NCOA2: variants seen among roughly 807,000 people sequenced by gnomAD.
NCOA2 encodes class E basic helix-loop-helix protein 75.
NCOA2 carries 21 observed loss-of-function variants against 145.1 expected under a neutral mutation model. The observed-to-expected ratio is 0.14, with a 90% CI of 0.10 to 0.21. The LOEUF is 0.21. Among genes scored for constraint, NCOA2 ranks in the 10% least tolerant of loss-of-function variants. NCOA2 has a pLI of 1.00. For missense variants in NCOA2, 1,472 were observed against 1,837.6 expected (o/e 0.80, Z 3.64); for synonymous variants, 619 against 637.5 (o/e 0.97, Z 0.44).
At chr8:70,265,796 C>T (rs976790120) in intron 2 of NCOA2, among the ~76,000 whole-genome samples, 7 of 151,174 alleles carry the variant, frequency 4.6e-5, no homozygotes, top group African/African-American at 1.7e-4. Context: ...CAAGAGCAAA[C>T]CAGAAACTTC....
At position 70,110,954 on chromosome 8, in the gene NCOA2, C is replaced by CA. The variant is rs1806485671; in HGVS notation, c.*2677dup. ...TTCTATTAAACAAAAACCAAGTACT[C>CA]AGTCTAACAAATTTATTGTGTACAG... On this transcript the variant is annotated 3_prime_UTR_variant, in exon 23 of 23. Transcript: ENST00000452400. 1 of 222,210 alleles carries CA rather than the reference C, an allele frequency of 4.5e-6. No individual in the cohort carries two copies. Among genetic ancestry groups the CA allele is most frequent in the Admixed American group, 5.7e-5 (1 of 17,426 alleles). 13.8% of individuals were successfully genotyped at this position (222,210 alleles called of 1,614,324 possible).
intron 1 of NCOA2, among the ~76,000 whole-genome samples, chr8:70,340,087 A>G (rs1807986939): frequency 1.3e-5 from 2 of 152,206 alleles, no homozygotes; most frequent in Non-Finnish European, 2.9e-5. Flanking sequence ...AAAATTGACA[A>G]ATGGGATCTA....
chr8:70,456,033 G>T, the NCOA2 span, among the ~76,000 whole-genome samples: 1 of 150,056 alleles, frequency 6.7e-6, no homozygotes, highest in Admixed American at 6.6e-5. Flanking sequence ...CTTTATAGAT[G>T]AAGACATTTG....
chr8:70,281,819 A>C (rs1488163501), intron 2 of NCOA2, among the ~76,000 whole-genome samples: 1 of 152,220 alleles, frequency 6.6e-6, no homozygotes. Context: ...GAGATTCTAC[A>C]ACAAAGCCAC....
At chr8:70,280,779 T>C (rs561260780) in intron 2 of NCOA2, among the ~76,000 whole-genome samples, 38 of 152,146 alleles carry the variant, frequency 2.5e-4, no homozygotes, top group Non-Finnish European at 5.0e-4. Flanking sequence ...TTGGGGCTTT[T>C]TCCTACTAGT....
At chr8:70,293,268 T>C (rs2135700376) in intron 2 of NCOA2, among the ~76,000 whole-genome samples, 1 of 152,320 alleles carries the variant, frequency 6.6e-6, no homozygotes, top group Middle Eastern at 3.4e-3. Context: ...TCTTCATGGA[T>C]ACATATACAT....
chr8:70,145,337 T>TTTTTC (rs1465365073), intron 12 of NCOA2, among the ~76,000 whole-genome samples: 1 of 151,924 alleles, frequency 6.6e-6, no homozygotes, highest in Non-Finnish European at 1.5e-5. Context: ...TTTTCTTTTT[T>TTTTTC]TTTTTTGAGA....
At chr8:70,114,473 A>G (rs1806863626) in intron 22 of NCOA2, among the ~76,000 whole-genome samples, 1 of 152,238 alleles carries the variant, frequency 6.6e-6, no homozygotes. Context: ...GCTACCGACT[A>G]TCTTCCTTCC....
chr8:70,317,656 T>C (rs1805713008), intron 1 of NCOA2, among the ~76,000 whole-genome samples: 1 of 152,146 alleles, frequency 6.6e-6, no homozygotes, highest in Non-Finnish European at 1.5e-5. Context: ...ACAATGGCCA[T>C]TACATGGAGC....
intron 2 of NCOA2, among the ~76,000 whole-genome samples, chr8:70,262,721 G>T (rs1194455487): frequency 7.2e-5 from 11 of 152,150 alleles, no homozygotes; most frequent in African/African-American, 2.7e-4. Context: ...GCCTGAGAAG[G>T]CTGCTATAAT....
At chr8:70,140,593 GTTTTTTTTTT>G (rs71558582) in intron 14 of NCOA2, among the ~76,000 whole-genome samples, 9 of 79,784 alleles carry the variant, frequency 1.1e-4, no homozygotes, top group African/African-American at 4.4e-4. Context: ...TACCACCTAA[GTTTTTTTTTT>G]TTTTTTTTTT....
chr8:70,422,963 G>T, the NCOA2 span, among the ~76,000 whole-genome samples: 1 of 152,156 alleles, frequency 6.6e-6, no homozygotes, highest in African/African-American at 2.4e-5. Flanking sequence ...TGAGTGGCTG[G>T]GATTACAGGG....
chr8:70,401,397 A>C (rs1427208270), intron 1 of NCOA2, among the ~76,000 whole-genome samples: 4 of 152,188 alleles, frequency 2.6e-5, no homozygotes, highest in Non-Finnish European at 5.9e-5. Context: ...CTGGCAAACT[A>C]CATTTTACTC....
chr8:70,163,653 T>A (rs1813304696), intron 7 of NCOA2, 87 bp from the exon 8 acceptor site: 11 of 956,866 alleles, frequency 1.1e-5, no homozygotes, highest in Non-Finnish European at 1.8e-5. Context: ...GCACAGCCTG[T>A]CATTAAAAAA....
chr8:70,141,764 C>A (rs774891659), intron 13 of NCOA2, among the ~76,000 whole-genome samples: 1 of 152,006 alleles, frequency 6.6e-6, no homozygotes, highest in Non-Finnish European at 1.5e-5. Flanking sequence ...GAGGTAGAGG[C>A]CAAGAGGAAT....
chr8:70,168,093 A>AATATATTCTCCAGTCATC (rs1813837729), intron 6 of NCOA2, among the ~76,000 whole-genome samples: 1 of 152,240 alleles, frequency 6.6e-6, no homozygotes, highest in African/African-American at 2.4e-5. Context: ...TCAGCTAAAG[A>AATATATTCTCCAGTCATC]AAATGGAGAA....
At chr8:70,446,217 G>A in the NCOA2 span, among the ~76,000 whole-genome samples, 1 of 152,092 alleles carries the variant, frequency 6.6e-6, no homozygotes, top group Non-Finnish European at 1.5e-5. Flanking sequence ...ATTCGAGGAC[G>A]GCTCACTCGG....
chr8:70,171,801 C>CACA (rs1390098013), intron 5 of NCOA2, among the ~76,000 whole-genome samples: 1 of 151,010 alleles, frequency 6.6e-6, no homozygotes, highest in Admixed American at 6.6e-5. Context: ...TAGCTAGGAT[C>CACA]ACAGGTATGC....
chr8:70,307,612 T>A (rs1290723263), intron 1 of NCOA2, among the ~76,000 whole-genome samples: 1 of 152,252 alleles, frequency 6.6e-6, no homozygotes, highest in Middle Eastern at 3.2e-3. Flanking sequence ...TGTGCTTACA[T>A]TCGTGTTAAA....
Sources: gnomAD v4.1 joint callset for allele counts (sites outside exome capture counted in the v4.1 genomes callset) on GRCh38, gnomAD v4.1.1 for gene constraint, MANE v1.5 for transcripts, NCBI Gene and HGNC (gene_info 2026-07-23, HGNC 2026-07-21) for gene names.